The following CERT1 variants were observed in gnomAD, a reference collection of about 807,000 sequenced individuals.
CERT1 encodes the protein ceramide transporter 1, also known as ceramide transfer protein.
In CERT1, 31 loss-of-function variants were observed where a neutral mutation model predicts 87.9. The observed-to-expected ratio is 0.35, with a 90% CI of 0.27 to 0.48. The LOEUF is 0.48. CERT1 is among the 20% of genes least tolerant of loss of function. The probability of loss-of-function intolerance (pLI) is 0.99; values close to 1 mark genes in which losing one functional copy is unlikely to be tolerated. For synonymous variants in CERT1, 289 were observed against 250.9 expected (o/e 1.15, Z -1.44); for missense variants, 487 against 758.0 (o/e 0.64, Z 4.20).
chr5:75,415,407 T>C (rs1187945220), intron 7 of CERT1, among the ~76,000 whole-genome samples: 5 of 152,142 alleles, frequency 3.3e-5, no homozygotes, highest in Admixed American at 2.0e-4. Context: ...GTGGTTTTTT[T>C]CCCGCAGATC....
chr5:75,419,509 CT>C, intron 5 of CERT1, 85 bp from the exon 6 acceptor site: 3 of 895,442 alleles, frequency 3.4e-6, no homozygotes, highest in Non-Finnish European at 5.3e-6. Flanking sequence ...TCATTTTACT[CT>C]GGATTCTGAT....
intron 4 of CERT1, among the ~76,000 whole-genome samples, chr5:75,426,154 T>A (rs1763609171): frequency 1.3e-5 from 2 of 152,234 alleles, no homozygotes; most frequent in Admixed American, 1.3e-4. Flanking sequence ...TTTTTTATAT[T>A]TTACCTCATT....
chr5:75,506,518 T>C (rs1767657236), intron 1 of CERT1, among the ~76,000 whole-genome samples: 1 of 152,202 alleles, frequency 6.6e-6, no homozygotes, highest in South Asian at 2.1e-4. Flanking sequence ...TTCAGTTATG[T>C]ATGTAGTCTC....
intron 14 of CERT1, among the ~76,000 whole-genome samples, chr5:75,382,542 G>T (rs950851902): frequency 6.6e-6 from 1 of 151,954 alleles, no homozygotes; most frequent in African/African-American, 2.4e-5. Context: ...ACATTAGAAA[G>T]AATTCTAAGT....
At chr5:75,400,492 C>T (rs1762425209) in intron 9 of CERT1, 195 bp from the exon 10 acceptor site, 1 of 514,946 alleles carries the variant, frequency 1.9e-6, no homozygotes, top group South Asian at 3.1e-5. Context: ...TTAACCTCTT[C>T]TTTCTGACTC....
In CERT1 at chr5:75,378,655, G is replaced by C. The variant is rs946989355; in HGVS notation, c.*691C>G. The C allele has an allele frequency of 2.0e-5, 3 of 152,058 alleles. No homozygotes were observed. Among genetic ancestry groups the C allele is most frequent in the Non-Finnish European group, 4.4e-5 (3 of 68,002 alleles). The allele number at this position is 152,058 out of a possible 1,614,324, so 9.4% of individuals were successfully genotyped here. On this transcript the variant is annotated 3_prime_UTR_variant, in exon 17 of 17. Transcript: ENST00000643780. ...AAGTGAAAAAAAGGTTATAAAACAAGAATTTTGTATAATAGTAAGTATAAA... is the reference window on the plus strand; with the variant it reads ...AAGTGAAAAAAAGGTTATAAAACAACAATTTTGTATAATAGTAAGTATAAA...
intron 2 of CERT1, among the ~76,000 whole-genome samples, chr5:75,496,971 CAT>C (rs1358261965): frequency 6.6e-6 from 1 of 151,106 alleles, no homozygotes; most frequent in Admixed American, 6.6e-5. Flanking sequence ...AAAGGCACAA[CAT>C]ATCTTTTTTT....
intron 3 of CERT1, among the ~76,000 whole-genome samples, chr5:75,440,444 C>CT (rs1764273698): frequency 6.6e-6 from 1 of 152,062 alleles, no homozygotes; most frequent in East Asian, 1.9e-4. Context: ...CACGGGAGAG[C>CT]TTTTTCAAAT....
In CERT1 at chr5:75,510,988, C is replaced by T. The variant is rs1767945875; in HGVS notation, c.96+124G>A. The T allele has an allele frequency of 1.0e-5, 13 of 1,301,720 alleles. No homozygotes were observed. The Middle Eastern group carries it at 3.2e-3, about 320-fold the overall frequency. The allele number at this position is 1,301,720 out of a possible 1,614,324, so 80.6% of individuals were successfully genotyped here. A position where few individuals can be genotyped will look rare whatever the true frequency, so the allele number is the denominator to read the frequency against. On this transcript the variant is annotated intron_variant, in intron 1 of 16. Transcript: ENST00000643780. Reference sequence around the variant, plus strand: ...CCCGCCTCATCCCTAGTCGCTGCAGCAACACTCAGCCTCGCACCCCGGCAC... The same window carrying T: ...CCCGCCTCATCCCTAGTCGCTGCAGTAACACTCAGCCTCGCACCCCGGCAC...
chr5:75,406,813 G>A (rs1275126585), intron 8 of CERT1, among the ~76,000 whole-genome samples: 2 of 151,708 alleles, frequency 1.3e-5, no homozygotes, highest in African/African-American at 4.8e-5. Context: ...CCAAAGTGTT[G>A]GTATTACAGA....
intron 11 of CERT1, among the ~76,000 whole-genome samples, chr5:75,395,479 G>A (rs1762209349): frequency 6.8e-6 from 1 of 146,984 alleles, no homozygotes; most frequent in Admixed American, 7.1e-5. Context: ...CAGGAAGTCA[G>A]AGGTCAGAGG....
chr5:75,412,918 C>A (rs1762988899), intron 7 of CERT1, among the ~76,000 whole-genome samples: 1 of 152,128 alleles, frequency 6.6e-6, no homozygotes. Context: ...GTTCTTCCTT[C>A]AATAACAACC....
chr5:75,464,894 G>A, intron 2 of CERT1, among the ~76,000 whole-genome samples: 1 of 152,130 alleles, frequency 6.6e-6, no homozygotes, highest in South Asian at 2.1e-4. Context: ...TTTATACTCA[G>A]AATTTTAGGT....
chr5:75,412,359 T>C (rs1442097091), intron 7 of CERT1, among the ~76,000 whole-genome samples: 1 of 152,208 alleles, frequency 6.6e-6, no homozygotes, highest in Non-Finnish European at 1.5e-5. Context: ...CTACAGGAAA[T>C]GTAAACAGCT....
intron 1 of CERT1, among the ~76,000 whole-genome samples, chr5:75,509,847 TAC>T (rs1767837538): frequency 6.6e-6 from 1 of 152,208 alleles, no homozygotes; most frequent in Non-Finnish European, 1.5e-5. Flanking sequence ...AATTACAGGA[TAC>T]ATTTAATCTA....
At chr5:75,492,350 T>C (rs1039543874) in intron 2 of CERT1, among the ~76,000 whole-genome samples, 2 of 151,990 alleles carry the variant, frequency 1.3e-5, no homozygotes, top group African/African-American at 4.8e-5. Flanking sequence ...ACGGCAGCAT[T>C]AGGCCCTGTT....
In CERT1 at chr5:75,496,404, A is replaced by T. The variant is rs1169399257; in HGVS notation, c.231+9578T>A. Among the ~76,000 whole-genome samples, 4 of 152,312 alleles carry T rather than the reference A, an allele frequency of 2.6e-5. No homozygotes were observed. The East Asian group carries it at 7.7e-4, about 29-fold the overall frequency. The stretch of plus-strand genomic sequence containing the variant: ...TAAACTGGTACCGCCACTTTGGAAA[A>T]CAGTTTCACAGTTTCTTATAAAGTT... On this transcript the variant is annotated intron_variant, in intron 2 of 16. Coordinates refer to ENST00000643780, the MANE Select transcript of CERT1 (RefSeq NM_001379029.1).
intron 17 of CERT1, chr5:75,368,695 G>C (rs1268073940): frequency 6.6e-6 from 1 of 152,170 alleles, no homozygotes; most frequent in Non-Finnish European, 1.5e-5. Flanking sequence ...ACCTAATTGT[G>C]ATCAAATTTC....
chr5:75,493,094 G>T (rs1766873667), intron 2 of CERT1, among the ~76,000 whole-genome samples: 1 of 152,074 alleles, frequency 6.6e-6, no homozygotes, highest in South Asian at 2.1e-4. Flanking sequence ...TTTTGATGGG[G>T]CATATCTTTC....
Sources: allele counts gnomAD v4.1 joint callset (sites outside exome capture counted in the v4.1 genomes callset), GRCh38; gene constraint gnomAD v4.1.1; transcripts MANE v1.5; gene names NCBI Gene and HGNC (gene_info 2026-07-23, HGNC 2026-07-21).